KCNG3: variants seen among roughly 807,000 people sequenced by gnomAD.
KCNG3 encodes voltage-gated potassium channel regulatory subunit KCNG3.
A neutral mutation model predicts 29.0 loss-of-function variants in KCNG3; 15 were observed. The ratio of observed to expected loss-of-function variants is 0.52; its 90% CI spans 0.35 to 0.80. The LOEUF (loss-of-function observed/expected upper bound fraction) is 0.80. KCNG3 is among the 30% of genes least tolerant of loss of function. The pLI is 0.01. For missense variants in KCNG3, 512 were observed against 605.7 expected (o/e 0.85, Z 1.62); for synonymous variants, 322 against 248.9 (o/e 1.29, Z -2.76).
chr2:42,413,089 TG>T, the KCNG3 span, among the ~76,000 whole-genome samples: 1 of 152,220 alleles, frequency 6.6e-6, no homozygotes, highest in East Asian at 1.9e-4. Flanking sequence ...TAGTTTACAG[TG>T]GCCTTTAACT....
Position 42,492,823 on chromosome 2 carries a change from G to C in KCNG3, c.665+14C>G. The C allele has an allele frequency of 6.8e-7, 1 of 1,466,818 alleles. No individual in the cohort carries two copies. The highest frequency in any genetic ancestry group is 1.5e-5 in the South Asian group (1 of 68,594). 90.9% of individuals were successfully genotyped at this position (1,466,818 alleles called of 1,614,324 possible). On this transcript the variant is annotated intron_variant, in intron 1 of 1. Coordinates refer to ENST00000306078, the MANE Select transcript of KCNG3 (RefSeq NM_133329.6). ...CAGGACGGACGGGACGGGTAGAGAAGCAGTGCGTCCTACCCGGAGGGCTCC... is the reference window on the plus strand; with the variant it reads ...CAGGACGGACGGGACGGGTAGAGAACCAGTGCGTCCTACCCGGAGGGCTCC...
the KCNG3 span, among the ~76,000 whole-genome samples, chr2:42,423,316 G>T: frequency 1.6e-3 from 242 of 152,306 alleles, 5 homozygotes; most frequent in Non-Finnish European, 2.2e-3. Flanking sequence ...CCTTGACACA[G>T]TTGACAGAGT....
chr2:42,389,256 A>G, the KCNG3 span, among the ~76,000 whole-genome samples: 4 of 152,196 alleles, frequency 2.6e-5, no homozygotes, highest in Non-Finnish European at 4.4e-5. Context: ...ATCACTTAAC[A>G]GTGTATGATC....
the KCNG3 span, among the ~76,000 whole-genome samples, chr2:42,416,420 T>C: frequency 1.3e-5 from 2 of 152,118 alleles, no homozygotes; most frequent in African/African-American, 2.4e-5. Context: ...AAGGTCAGCC[T>C]GAGCAACACA....
At chr2:42,423,325 G>GCACAAACCCT in the KCNG3 span, among the ~76,000 whole-genome samples, 1 of 152,222 alleles carries the variant, frequency 6.6e-6, no homozygotes. Flanking sequence ...AGTTGACAGA[G>GCACAAACCCT]TAATCCTCCT....
the KCNG3 span, among the ~76,000 whole-genome samples, chr2:42,435,564 CCAA>C: frequency 1.3e-5 from 2 of 152,086 alleles, no homozygotes; most frequent in South Asian, 2.1e-4. Flanking sequence ...CTCTTAAAAT[CCAA>C]CAACTTTTTT....
chr2:42,457,505 G>T (rs1181957163), intron 1 of KCNG3, among the ~76,000 whole-genome samples: 1 of 151,420 alleles, frequency 6.6e-6, no homozygotes, highest in Non-Finnish European at 1.5e-5. Flanking sequence ...AAAAAAGAGA[G>T]AAGTAACTAG....
chr2:42,450,495 G>A (rs754981716), intron 1 of KCNG3, among the ~76,000 whole-genome samples: 2 of 152,080 alleles, frequency 1.3e-5, no homozygotes, highest in Non-Finnish European at 2.9e-5. Context: ...CAAACAATTG[G>A]GTATTCCCGG....
chr2:42,493,361 C>A lies in KCNG3; in HGVS notation c.141G>T (p.Val47=). Residue 47 remains valine (V), a synonymous_variant, in exon 1 of 2, where the codon GTG becomes GTT. Coordinates refer to ENST00000306078, the MANE Select transcript of KCNG3 (RefSeq NM_133329.6). The stretch of plus-strand genomic sequence containing the variant: ...GGTCGTAGTCGTCGCACACCTCGAG[C>A]ACGTCGCGCTCGGAGCGGCAGCCGT... ...RLHGCRSERD[V]LEVCDDYDRE... is the part of the protein sequence containing the mutation. The A allele has an allele frequency of 6.3e-7, 1 of 1,577,722 alleles. No homozygotes were observed. The highest frequency in any genetic ancestry group is 1.2e-5 in the South Asian group (1 of 86,098).
In KCNG3 at chr2:42,443,244, C is replaced by T. The variant is rs564738104; in HGVS notation, c.*690G>A. ...ACAAGCTCTCGTCAATTCTTAAATA[C>T]CTTTTGAGTCATTACAGTAAAGAGA... On this transcript the variant is annotated 3_prime_UTR_variant, in exon 2 of 2. Transcript: ENST00000306078. The T allele has an allele frequency of 6.6e-6, 1 of 152,396 alleles. No homozygotes were observed. The highest frequency in any genetic ancestry group is 2.1e-4 in the South Asian group (1 of 4,828). The allele number at this position is 152,396 out of a possible 1,614,324, so 9.4% of individuals were successfully genotyped here.
At chr2:42,492,809 G>C (rs971500614) in intron 1 of KCNG3, 28 bp downstream of exon 1, 1 of 1,446,928 alleles carries the variant, frequency 6.9e-7, no homozygotes, top group African/African-American at 1.5e-5. Flanking sequence ...AGGACGGACG[G>C]GACGGGTAGA....
At chr2:42,425,481 G>C in the KCNG3 span, among the ~76,000 whole-genome samples, 1 of 151,890 alleles carries the variant, frequency 6.6e-6, no homozygotes, top group African/African-American at 2.4e-5. Context: ...GGGCAGAAGA[G>C]AAATAGAGGG....
At chr2:42,424,051 C>A in the KCNG3 span, among the ~76,000 whole-genome samples, 1 of 152,168 alleles carries the variant, frequency 6.6e-6, no homozygotes. Context: ...GCTCAAGACC[C>A]CCACCTCCAG....
Position 42,443,202 on chromosome 2 carries a change from G to A in KCNG3, c.*732C>T, listed in dbSNP as rs1049176220. On this transcript the variant is annotated 3_prime_UTR_variant, in exon 2 of 2. Coordinates refer to ENST00000306078, the MANE Select transcript of KCNG3 (RefSeq NM_133329.6). ...CAGCAATGAATTCAAATATTATCCA[G>A]TAAGATGCTAAACAACACAAGCTCT... The A allele has an allele frequency of 6.6e-6, 1 of 152,134 alleles. No homozygotes were observed. 9.4% of individuals were successfully genotyped at this position (152,134 alleles called of 1,614,324 possible). A position where few individuals can be genotyped will look rare whatever the true frequency, so the allele number is the denominator to read the frequency against.
chr2:42,426,264 T>C, the KCNG3 span, among the ~76,000 whole-genome samples: 1 of 152,160 alleles, frequency 6.6e-6, no homozygotes, highest in Non-Finnish European at 1.5e-5. Context: ...ATAGAAAATG[T>C]CACACAAATT....
At chr2:42,421,751 C>A in the KCNG3 span, among the ~76,000 whole-genome samples, 2 of 152,134 alleles carry the variant, frequency 1.3e-5, no homozygotes, top group Admixed American at 1.3e-4. Context: ...AAAACATCAA[C>A]AAATTATCTT....
intron 1 of KCNG3, among the ~76,000 whole-genome samples, chr2:42,455,233 T>C (rs1356107347): frequency 6.6e-6 from 1 of 152,150 alleles, no homozygotes; most frequent in Non-Finnish European, 1.5e-5. Flanking sequence ...CCCAAAGTAC[T>C]AGAGGCTACA....
chr2:42,448,126 T>A (rs183801754), intron 1 of KCNG3, among the ~76,000 whole-genome samples: 1 of 152,312 alleles, frequency 6.6e-6, no homozygotes, highest in Admixed American at 6.5e-5. Flanking sequence ...TCTTTGCACA[T>A]GTTTAACGGC....
the KCNG3 span, among the ~76,000 whole-genome samples, chr2:42,404,929 A>G: frequency 6.6e-6 from 1 of 151,986 alleles, no homozygotes; most frequent in Admixed American, 6.6e-5. Context: ...GCTACAAACA[A>G]CTCCCCAGAC....
Sources: gnomAD v4.1 joint callset for allele counts (sites outside exome capture counted in the v4.1 genomes callset) on GRCh38, gnomAD v4.1.1 for gene constraint, MANE v1.5 for transcripts, NCBI Gene and HGNC (gene_info 2026-07-23, HGNC 2026-07-21) for gene names.